CD36: variants seen among roughly 807,000 people sequenced by gnomAD.
The protein encoded by CD36 is CD36 molecule (CD36 blood group).
Under a neutral mutation model 55.2 loss-of-function variants are expected in CD36, and 119 were observed. That is an observed-to-expected ratio of 2.15 (90% CI 1.86 to 2.51). The LOEUF (loss-of-function observed/expected upper bound fraction) is 2.51, where lower values mean the gene tolerates loss of function less well. Among genes scored for constraint, CD36 ranks in the 30% most tolerant of loss-of-function variants. CD36 has a pLI of 0.00. For missense variants in CD36, 819 were observed against 555.5 expected (o/e 1.47, Z -4.77); for synonymous variants, 186 against 193.6 (o/e 0.96, Z 0.33).
At chr7:80,652,249 G>C (rs1342215855) in intron 3 of CD36, among the ~76,000 whole-genome samples, 1 of 152,094 alleles carries the variant, frequency 6.6e-6, no homozygotes, top group Non-Finnish European at 1.5e-5. Flanking sequence ...TCTTCTACTA[G>C]TCCAATTTAA....
chr7:80,659,834 CTT>C (rs1162025682), intron 4 of CD36, among the ~76,000 whole-genome samples: 1 of 151,938 alleles, frequency 6.6e-6, no homozygotes, highest in Non-Finnish European at 1.5e-5. Flanking sequence ...TTTTTATATT[CTT>C]TGTGTGTCTG....
Position 80,672,787 on chromosome 7 carries a change from A to G in CD36, c.1143A>G (p.Leu381=). 6.2e-7 allele frequency: 1 copy of G among 1,610,110 alleles called. No individual in the cohort carries two copies. Among genetic ancestry groups the G allele is most frequent in the Non-Finnish European group, 8.5e-7 (1 of 1,177,354 alleles). ...CTTTTTAGATAACTGGATTCACTTT[A>G]CAATTTGCAAAACGGCTGCAGGTCA... ...LDIEPITGFT[L]QFAKRLQVNL... Residue 381 remains leucine, a synonymous_variant, in exon 12 of 15, where the codon TTA becomes TTG. Coordinates refer to ENST00000447544, the MANE Select transcript of CD36 (RefSeq NM_001001548.3).
Position 80,621,859 on chromosome 7 carries a change from G to A in CD36, c.-184+19480G>A, listed in dbSNP as rs188449280. 5.0e-3 allele frequency among the ~76,000 whole-genome samples: 759 copies of A among 152,242 alleles called. 1 individual carries two copies. Among genetic ancestry groups the A allele is most frequent in the African/African-American group, 0.017 (705 of 41,562 alleles). On this transcript the variant is annotated intron_variant, in intron 1 of 13. Coordinates refer to the CD36 transcript ENST00000309881. The stretch of plus-strand genomic sequence containing the variant: ...CCCCACTGAAATCCCACCTCTAGCC[G>A]AAGACAGTTTAAAGCCTGAAAGCCA...
chr7:80,657,269 A>T (rs982781940), intron 4 of CD36, among the ~76,000 whole-genome samples: 1 of 151,870 alleles, frequency 6.6e-6, no homozygotes, highest in Non-Finnish European at 1.5e-5. Flanking sequence ...ATCCTGGGTG[A>T]TTTGAATACA....
chr7:80,617,878 A>G (rs1419409873), intron 1 of CD36, among the ~76,000 whole-genome samples: 8 of 152,204 alleles, frequency 5.3e-5, no homozygotes, highest in Non-Finnish European at 1.0e-4. Flanking sequence ...GAGAAAGGTC[A>G]GACTGATAAG....
In CD36 at chr7:80,664,863, A is replaced by AC. The variant is rs551113592; in HGVS notation, c.701+366_701+367insC. ...CATAAATGAAAAGGTAAAAAAAAAA[A>AC]AAACAACACATCAACTGATTGTGTA... On this transcript the variant is annotated intron_variant, in intron 7 of 14. Coordinates refer to ENST00000447544, the MANE Select transcript of CD36 (RefSeq NM_001001548.3). Among the ~76,000 whole-genome samples, 788 of 151,644 alleles carry AC rather than the reference A, an allele frequency of 5.2e-3. 4 individuals are homozygous for AC. Among genetic ancestry groups the AC allele is most frequent in the Non-Finnish European group, 8.3e-3 (564 of 67,750 alleles).
intron 1 of CD36, among the ~76,000 whole-genome samples, chr7:80,612,775 A>G (rs890782130): frequency 2.6e-5 from 4 of 152,140 alleles, no homozygotes; most frequent in Admixed American, 1.3e-4. Context: ...TCTTAAATGT[A>G]TAAGCATTGT....
chr7:80,609,191 T>A (rs948169458), intron 1 of CD36, among the ~76,000 whole-genome samples: 73 of 152,328 alleles, frequency 4.8e-4, no homozygotes, highest in African/African-American at 1.6e-3. Flanking sequence ...GGGCTTCACG[T>A]TTGTGGTCAT....
intron 14 of CD36, among the ~76,000 whole-genome samples, chr7:80,675,470 G>T (rs1366761009): frequency 1.3e-5 from 2 of 151,758 alleles, no homozygotes; most frequent in African/African-American, 2.4e-5. Context: ...ATGATCCTTG[G>T]ATGTCAGATT....
At chr7:80,665,679 A>T (rs1797013066) in intron 7 of CD36, among the ~76,000 whole-genome samples, 1 of 152,088 alleles carries the variant, frequency 6.6e-6, no homozygotes, top group Non-Finnish European at 1.5e-5. Flanking sequence ...TCATTTTAAG[A>T]TTGTAAGGTT....
At chr7:80,665,500 A>G (rs1262077009) in intron 7 of CD36, among the ~76,000 whole-genome samples, 1 of 146,188 alleles carries the variant, frequency 6.8e-6, no homozygotes, top group Non-Finnish European at 1.6e-5. Flanking sequence ...ACAGTTACAT[A>G]TTTTTATAGA....
At chr7:80,666,177 T>C (rs531319151) in intron 7 of CD36, 2 of 430,072 alleles carry the variant, frequency 4.7e-6, no homozygotes, top group African/African-American at 2.0e-5. Flanking sequence ...TAAATGTTTT[T>C]AATTTTTTTC....
At chr7:80,636,947 C>T (rs1794459259), upstream of CD36, 1 of 151,914 alleles carries the variant, frequency 6.6e-6, no homozygotes, top group Non-Finnish European at 1.5e-5. Context: ...GTGACATTTT[C>T]CTCTCCAGTG....
Position 80,676,374 on chromosome 7 carries a change from G to C in CD36, c.*1-10G>C, listed in dbSNP as rs796988856. On this transcript the variant is annotated splice_polypyrimidine_tract_variant and intron_variant, in intron 14 of 14. Transcript: ENST00000447544. ...CATTTCCACAACTGAATTGATTTCC[G>C]TTTCTACAGACCTGGCTCAAGCACA... 6.6e-6 allele frequency: 1 copy of C among 151,880 alleles called. No homozygotes were observed. The highest frequency in any genetic ancestry group is 2.4e-5 in the African/African-American group (1 of 41,364). 9.4% of individuals were successfully genotyped at this position (151,880 alleles called of 1,614,324 possible).
intron 1 of CD36, among the ~76,000 whole-genome samples, chr7:80,604,240 T>C (rs998092348): frequency 1.4e-4 from 21 of 151,228 alleles, no homozygotes; most frequent in African/African-American, 5.1e-4. Context: ...GAAAAGTAAA[T>C]GATTGCAAAC....
chr7:80,623,710 G>A (rs1043682593), intron 1 of CD36, among the ~76,000 whole-genome samples: 2 of 152,156 alleles, frequency 1.3e-5, no homozygotes, highest in Non-Finnish European at 2.9e-5. Context: ...CTGATGCTTT[G>A]TTTCTTCTCC....
chr7:80,674,348 TGAGATAAAAGATGTACTTGTGACC>T, intron 14 of CD36: 1 of 532,286 alleles, frequency 1.9e-6, no homozygotes. Context: ...CTGGGAGAAA[TGAGATAAAAGATGTACTTGTGACC>T]ATTGTAACAA....
Position 80,670,002 on chromosome 7 carries a change from C to A in CD36, c.798C>A (p.Phe266Leu), listed in dbSNP as rs1562819965. 6.2e-7 allele frequency: 1 copy of A among 1,609,676 alleles called. No homozygotes were observed. Among genetic ancestry groups the A allele is most frequent in the Non-Finnish European group, 8.5e-7 (1 of 1,176,352 alleles). Residue 266 changes from phenylalanine to leucine, a missense_variant, in exon 9 of 15, where the codon TTC becomes TTA. Coordinates refer to ENST00000447544, the MANE Select transcript of CD36 (RefSeq NM_001001548.3). ...PFVEKSQVLQ[F>L]FSSDICRSIY... ...TTGAGAAAAGCCAGGTATTGCAGTT[C>A]TTTTCTTCTGATATTTGCAGGTAAG... is the stretch of plus-strand genomic sequence containing the variant.
intron 1 of CD36, among the ~76,000 whole-genome samples, chr7:80,605,045 A>T (rs1792465816): frequency 6.6e-6 from 1 of 152,160 alleles, no homozygotes; most frequent in Non-Finnish European, 1.5e-5. Context: ...AGTAATAAAA[A>T]TTAGTGTGTT....
Sources: allele counts gnomAD v4.1 joint callset (sites outside exome capture counted in the v4.1 genomes callset), GRCh38; gene constraint gnomAD v4.1.1; transcripts MANE v1.5; gene names NCBI Gene and HGNC (gene_info 2026-07-23, HGNC 2026-07-21).